Variants in RAPGEF2 observed in about 807,000 individuals in gnomAD.
RAPGEF2 encodes Rap guanine nucleotide exchange factor 2.
A neutral mutation model predicts 186.7 loss-of-function variants in RAPGEF2; 54 were observed. The ratio of observed to expected loss-of-function variants is 0.29; its 90% CI spans 0.23 to 0.36. The LOEUF (loss-of-function observed/expected upper bound fraction) is 0.36. RAPGEF2 is among the 10% of genes least tolerant of loss of function. RAPGEF2 has a pLI of 1.00. For synonymous variants in RAPGEF2, 712 were observed against 705.9 expected (o/e 1.01, Z -0.14); for missense variants, 1,532 against 2,045.0 (o/e 0.75, Z 4.84).
chr4:159,106,472 C>T (rs1737897529), intron 1 of RAPGEF2, among the ~76,000 whole-genome samples: 1 of 151,948 alleles, frequency 6.6e-6, no homozygotes, highest in South Asian at 2.1e-4. Flanking sequence ...GTTAATGGAA[C>T]GCTGGAAGAT....
At chr4:159,176,047 G>A (rs1159129467) in intron 1 of RAPGEF2, among the ~76,000 whole-genome samples, 1 of 152,180 alleles carries the variant, frequency 6.6e-6, no homozygotes, top group Admixed American at 6.5e-5. Context: ...TAATGTGAAT[G>A]GTCAAGGTGG....
rs140116357 is a variant in RAPGEF2 at position 159,203,424 on chromosome 4, T to A, written c.198-7076T>A. ...ATTGAGGAGAAACTCCCAATGTGAA[T>A]AATTATGACGTTCTGGCACCTGCGT... On this transcript the variant is annotated intron_variant, in intron 3 of 29. Coordinates refer to ENST00000691494, the MANE Select transcript of RAPGEF2 (RefSeq NM_001394067.2). Among the ~76,000 whole-genome samples the A allele has an allele frequency of 1.7e-3, 263 of 152,254 alleles. 1 individual carries two copies. The highest frequency in any genetic ancestry group is 5.8e-3 in the African/African-American group (240 of 41,554).
intron 7 of RAPGEF2, among the ~76,000 whole-genome samples, chr4:159,279,744 TCTC>T (rs1266465350): frequency 1.3e-5 from 2 of 152,064 alleles, no homozygotes; most frequent in African/African-American, 4.8e-5. Context: ...AGTGGTGTGA[TCTC>T]AGCTCACTGC....
chr4:159,276,699 GT>G (rs1758925637), intron 7 of RAPGEF2, among the ~76,000 whole-genome samples: 1 of 152,028 alleles, frequency 6.6e-6, no homozygotes, highest in Non-Finnish European at 1.5e-5. Context: ...GTTCATTTTA[GT>G]TGGGCATATT....
chr4:159,330,198 ATTTT>A, intron 12 of RAPGEF2, 132 bp from the exon 13 acceptor site: 1 of 820,936 alleles, frequency 1.2e-6, no homozygotes, highest in Non-Finnish European at 1.9e-6. Context: ...TATCCAATTC[ATTTT>A]ATGTTGAATG....
rs1234514234 is a variant in RAPGEF2 at position 159,322,460 on chromosome 4, A to G, written c.967A>G (p.Ile323Val). The change falls in exon 10 of 30, where the codon ATA becomes GTA. Residue 323 changes from isoleucine to valine, a missense_variant. Around this residue, in one of 4 missense-constraint regions of RAPGEF2, gnomAD observed 810 missense variants for 1,210.5 expected, o/e 0.67. Coordinates refer to ENST00000691494, the MANE Select transcript of RAPGEF2 (RefSeq NM_001394067.2). ...VFAVVERAGT[I>V]VLNDGEELDS... is the part of the protein sequence containing the mutation. ...CGCAGTGGTGGAAAGAGCAGGGACCATAGTGTTAAATGATGGTGAAGAGGT... is the reference window on the plus strand; with the variant it reads ...CGCAGTGGTGGAAAGAGCAGGGACCGTAGTGTTAAATGATGGTGAAGAGGT... The G allele has an allele frequency of 1.9e-6, 3 of 1,613,756 alleles. No individual in the cohort carries two copies. Among genetic ancestry groups the G allele is most frequent in the Admixed American group, 3.3e-5 (2 of 60,004 alleles).
chr4:159,145,051 G>T (rs1475829221), intron 1 of RAPGEF2, among the ~76,000 whole-genome samples: 1 of 151,388 alleles, frequency 6.6e-6, no homozygotes, highest in Non-Finnish European at 1.5e-5. Flanking sequence ...AGTACACCTG[G>T]GTAGTTTTTG....
intron 1 of RAPGEF2, among the ~76,000 whole-genome samples, chr4:159,119,711 A>G (rs1739450520): frequency 6.6e-6 from 1 of 152,222 alleles, no homozygotes; most frequent in Non-Finnish European, 1.5e-5. Flanking sequence ...AAATAGGGAT[A>G]AAAATACTAG....
intron 7 of RAPGEF2, among the ~76,000 whole-genome samples, chr4:159,286,063 C>CACCACT (rs1162731913): frequency 6.7e-6 from 1 of 148,506 alleles, no homozygotes; most frequent in Non-Finnish European, 1.5e-5. Flanking sequence ...CCACCACCAC[C>CACCACT]ACCACCACCA....
At chr4:159,331,107 T>C (rs986241131) in intron 13 of RAPGEF2, among the ~76,000 whole-genome samples, 2 of 152,356 alleles carry the variant, frequency 1.3e-5, no homozygotes, top group African/African-American at 4.8e-5. Context: ...TTCTGTCTTT[T>C]GTATTAGCTG....
At chr4:159,180,332 GTT>G (rs1746880385) in intron 1 of RAPGEF2, among the ~76,000 whole-genome samples, 1 of 152,070 alleles carries the variant, frequency 6.6e-6, no homozygotes, top group Non-Finnish European at 1.5e-5. Context: ...CTTTGCCATA[GTT>G]TCTCTTTTTT....
chr4:159,199,842 ACT>A (rs1338764108), intron 3 of RAPGEF2, among the ~76,000 whole-genome samples: 2 of 151,986 alleles, frequency 1.3e-5, no homozygotes, highest in African/African-American at 4.8e-5. Context: ...GACCCAGGTG[ACT>A]CCAGGTGAGA....
At chr4:159,313,658 A>G (rs1764216023) in intron 8 of RAPGEF2, among the ~76,000 whole-genome samples, 1 of 152,212 alleles carries the variant, frequency 6.6e-6, no homozygotes, top group Admixed American at 6.5e-5. Flanking sequence ...CAAAATTAAT[A>G]ATTGTATAAG....
chr4:159,220,554 G>A (rs549960003), intron 4 of RAPGEF2, among the ~76,000 whole-genome samples: 2 of 152,122 alleles, frequency 1.3e-5, no homozygotes, highest in Non-Finnish European at 2.9e-5. Flanking sequence ...TCCAGCTTGC[G>A]TTGCTTCCAA....
chr4:159,345,283 G>A lies in RAPGEF2; in HGVS notation c.3456G>A (p.Glu1152=). ...ATTTGGAGCTAGAAATGGACGAGGA[G>A]AGTCTTCAGACATTATCTCTGCAGT... ...LSNLELEMDE[E]SLQTLSLQCE... Residue 1152 remains glutamate, a synonymous_variant, in exon 24 of 30, where the codon GAG becomes GAA. Transcript: ENST00000691494. 1 of 1,614,164 alleles carries A rather than the reference G, an allele frequency of 6.2e-7. No homozygotes were observed. Among genetic ancestry groups the A allele is most frequent in the Non-Finnish European group, 8.5e-7 (1 of 1,180,022 alleles).
At chr4:159,345,380 T>C (rs1374865313) in intron 24 of RAPGEF2, 51 bp downstream of exon 24, 1 of 1,564,914 alleles carries the variant, frequency 6.4e-7, no homozygotes, top group Non-Finnish European at 8.8e-7. Context: ...TGCAGATTTG[T>C]TTCCTGTGCA....
At chr4:159,302,319 A>G (rs1393398055) in intron 7 of RAPGEF2, among the ~76,000 whole-genome samples, 2 of 134,934 alleles carry the variant, frequency 1.5e-5, no homozygotes, top group African/African-American at 6.0e-5. Context: ...AGATAGTTTT[A>G]TCTTCATTTG....
At chr4:159,113,273 T>C (rs1263110745) in intron 1 of RAPGEF2, among the ~76,000 whole-genome samples, 1 of 152,226 alleles carries the variant, frequency 6.6e-6, no homozygotes, top group African/African-American at 2.4e-5. Context: ...TTACCACAAT[T>C]ATTGTAGATG....
intron 4 of RAPGEF2, among the ~76,000 whole-genome samples, chr4:159,215,790 A>G (rs1344499977): frequency 6.6e-6 from 1 of 152,174 alleles, no homozygotes; most frequent in Non-Finnish European, 1.5e-5. Context: ...TTGAAGGGAA[A>G]TTAATCCCAG....
Sources: allele counts gnomAD v4.1 joint callset (sites outside exome capture counted in the v4.1 genomes callset), GRCh38; gene constraint gnomAD v4.1.1; regional missense constraint gnomAD v4.1.1; transcripts MANE v1.5; gene names NCBI Gene and HGNC (gene_info 2026-07-23, HGNC 2026-07-21).